The following DNAJC6 variants were observed in gnomAD, a reference collection of about 807,000 sequenced individuals.
The protein encoded by DNAJC6 is DnaJ heat shock protein family (Hsp40) member C6.
Under a neutral mutation model 110.0 loss-of-function variants are expected in DNAJC6, and 34 were observed. That is an observed-to-expected ratio of 0.31 (90% CI 0.24 to 0.41). The LOEUF (loss-of-function observed/expected upper bound fraction) is 0.41, where lower values mean the gene tolerates loss of function less well. Among genes scored for constraint, DNAJC6 ranks in the 10% least tolerant of loss-of-function variants. DNAJC6 has a pLI of 1.00. For synonymous variants in DNAJC6, 406 were observed against 437.2 expected, an observed-to-expected ratio of 0.93 and a Z score of 0.89; for missense variants, 1,031 against 1,207.8, an observed-to-expected ratio of 0.85 and a Z score of 2.17.
intron 13 of DNAJC6, 98 bp from the exon 14 acceptor site, chr1:65,398,715 G>A: frequency 8.1e-7 from 1 of 1,233,644 alleles, no homozygotes. Context: ...CTGGGGCCAT[G>A]CAGGCTTCAG....
At chr1:65,363,368 C>T (rs1309878838) in intron 1 of DNAJC6, among the ~76,000 whole-genome samples, 2 of 152,006 alleles carry the variant, frequency 1.3e-5, no homozygotes, top group African/African-American at 4.8e-5. Context: ...GCCACAGTCT[C>T]CAACCTTGCT....
At chr1:65,332,040 C>T (rs1298363022) in intron 1 of DNAJC6, among the ~76,000 whole-genome samples, 1 of 152,160 alleles carries the variant, frequency 6.6e-6, no homozygotes, top group African/African-American at 2.4e-5. Context: ...TGTCCTGGGA[C>T]CTGGGACCTG....
chr1:65,346,560 G>T (rs1015232201), intron 1 of DNAJC6, among the ~76,000 whole-genome samples: 1 of 151,920 alleles, frequency 6.6e-6, no homozygotes, highest in Non-Finnish European at 1.5e-5. Context: ...TTATATCCTG[G>T]TTCCAGTATG....
In DNAJC6 at chr1:65,281,989, C is replaced by T. The variant is rs186757503; in HGVS notation, c.-131+17057C>T. ...TCACCAGGGCTGGAGTGCAGTGGCA[C>T]GAACATGGCTCACTGCAACCTTGAC... On this transcript the variant is annotated intron_variant, in intron 1 of 19. Coordinates refer to the DNAJC6 transcript ENST00000263441. Among the ~76,000 whole-genome samples, 185 of 152,254 alleles carry T rather than the reference C, an allele frequency of 1.2e-3. 2 individuals carry two copies. The highest frequency in any genetic ancestry group is 2.1e-3 in the East Asian group (11 of 5,170).
intron 1 of DNAJC6, among the ~76,000 whole-genome samples, chr1:65,300,790 T>A (rs1051244790): frequency 6.6e-6 from 1 of 152,230 alleles, no homozygotes; most frequent in Non-Finnish European, 1.5e-5. Flanking sequence ...CAGCAGTGAT[T>A]TGGTGCTCTG....
chr1:65,347,718 C>T (rs759430952), intron 1 of DNAJC6, among the ~76,000 whole-genome samples: 7 of 152,022 alleles, frequency 4.6e-5, no homozygotes, highest in Non-Finnish European at 1.0e-4. Flanking sequence ...ACTGCAATCA[C>T]ACACACATGC....
intron 5 of DNAJC6, among the ~76,000 whole-genome samples, chr1:65,381,206 C>G (rs920638381): frequency 1.3e-5 from 2 of 151,702 alleles, no homozygotes; most frequent in African/African-American, 2.4e-5. Flanking sequence ...CGTGACCCCA[C>G]CAGGCCTCTT....
At position 65,302,907 on chromosome 1, in the gene DNAJC6, C is replaced by T. The variant is rs574215290; in HGVS notation, c.-131+37975C>T. On this transcript the variant is annotated intron_variant, in intron 1 of 19. Transcript: ENST00000263441. ...GGATGATGCAGCACGAAGGCCCTCA[C>T]CAGATGTAGGCTCCTTGATCTTGGA... 3.4e-3 allele frequency among the ~76,000 whole-genome samples: 517 copies of T among 152,264 alleles called. 3 individuals carry two copies. Among genetic ancestry groups the T allele is most frequent in the African/African-American group, 0.012 (512 of 41,544 alleles).
chr1:65,376,546 A>G (rs1645768161), intron 4 of DNAJC6, among the ~76,000 whole-genome samples: 2 of 151,536 alleles, frequency 1.3e-5, no homozygotes, highest in Non-Finnish European at 1.5e-5. Context: ...TCCTCTTAGT[A>G]CTTCTTTTGC....
intron 1 of DNAJC6, among the ~76,000 whole-genome samples, chr1:65,268,447 A>G (rs914839268): frequency 2.0e-5 from 3 of 152,366 alleles, no homozygotes; most frequent in Non-Finnish European, 2.9e-5. Flanking sequence ...AATAAGAACC[A>G]TAGCTCCTAT....
intron 1 of DNAJC6, among the ~76,000 whole-genome samples, chr1:65,280,554 G>A (rs1653812118): frequency 6.6e-6 from 1 of 152,198 alleles, no homozygotes; most frequent in Non-Finnish European, 1.5e-5. Flanking sequence ...TGGACAAGGT[G>A]CAAAAGGACT....
intron 13 of DNAJC6, among the ~76,000 whole-genome samples, chr1:65,396,563 A>G (rs1645978884): frequency 6.6e-6 from 1 of 151,774 alleles, no homozygotes; most frequent in African/African-American, 2.4e-5. Context: ...ACCTCCTTCA[A>G]GTGTTTGCTC....
chr1:65,273,493 GGAGGCT>G (rs1316582184), intron 1 of DNAJC6, among the ~76,000 whole-genome samples: 1 of 151,992 alleles, frequency 6.6e-6, no homozygotes, highest in African/African-American at 2.4e-5. Flanking sequence ...CAGCTACTCG[GGAGGCT>G]GAGGCAGAAT....
At chr1:65,392,951 G>T in intron 12 of DNAJC6, 86 bp downstream of exon 12, 1 of 1,276,406 alleles carries the variant, frequency 7.8e-7, no homozygotes. Flanking sequence ...TTCCTAATAA[G>T]CTAGACTTTT....
intron 15 of DNAJC6, among the ~76,000 whole-genome samples, chr1:65,405,584 C>G (rs1646068053): frequency 6.6e-6 from 1 of 152,140 alleles, no homozygotes; most frequent in African/African-American, 2.4e-5. Context: ...CAAGTCTCGG[C>G]TCAGCTACTT....
Position 65,309,644 on chromosome 1 carries a change from T to G in DNAJC6, c.-102T>G. The stretch of plus-strand genomic sequence containing the variant: ...CTCCTCTTTGCGTCATGTCGGGCAC[T>G]TAATTTTTTTTTTTTTTTAATTCCT... On this transcript the variant is annotated 5_prime_UTR_variant, in exon 1 of 19. Coordinates refer to ENST00000371069, the MANE Select transcript of DNAJC6 (RefSeq NM_001256864.2). The G allele has an allele frequency of 7.0e-7, 1 of 1,431,280 alleles. No homozygotes were observed. The highest frequency in any genetic ancestry group is 2.9e-5 in the East Asian group (1 of 35,074). 88.7% of individuals were successfully genotyped at this position (1,431,280 alleles called of 1,614,324 possible). A position where few individuals can be genotyped will look rare whatever the true frequency, so the allele number is the denominator to read the frequency against.
chr1:65,287,264 G>GCAAA (rs1654051976), intron 1 of DNAJC6, among the ~76,000 whole-genome samples: 1 of 152,184 alleles, frequency 6.6e-6, no homozygotes, highest in Non-Finnish European at 1.5e-5. Context: ...CATTAAAAAT[G>GCAAA]CAAACAAATG....
intron 17 of DNAJC6, among the ~76,000 whole-genome samples, 161 bp from the exon 18 acceptor site, chr1:65,411,089 A>T (rs1182215214): frequency 6.6e-6 from 1 of 152,198 alleles, no homozygotes; most frequent in African/African-American, 2.4e-5. Context: ...TAGGAGATTG[A>T]GGAGGAGAAG....
intron 1 of DNAJC6, among the ~76,000 whole-genome samples, chr1:65,355,003 G>C (rs544516043): frequency 6.6e-6 from 1 of 152,108 alleles, no homozygotes; most frequent in Admixed American, 6.6e-5. Flanking sequence ...CTGGTTGGGC[G>C]TAGTGGCTGA....
Sources: allele counts gnomAD v4.1 joint callset (sites outside exome capture counted in the v4.1 genomes callset), GRCh38; gene constraint gnomAD v4.1.1; transcripts MANE v1.5; gene names NCBI Gene and HGNC (gene_info 2026-07-23, HGNC 2026-07-21).